Variants in GRM7 observed in about 807,000 individuals in gnomAD.
The protein encoded by GRM7 is metabotropic glutamate receptor 7.
A neutral mutation model predicts 84.5 loss-of-function variants in GRM7; 35 were observed. The observed-to-expected ratio is 0.41, with a 90% CI of 0.32 to 0.55. The LOEUF (loss-of-function observed/expected upper bound fraction) is 0.55. Among genes scored for constraint, GRM7 ranks in the 20% least tolerant of loss-of-function variants. The pLI, the probability that GRM7 is intolerant of heterozygous loss-of-function variation, is 0.19. For synonymous variants in GRM7, 487 were observed against 455.1 expected (o/e 1.07, Z -0.89); for missense variants, 1,003 against 1,194.6 (o/e 0.84, Z 2.36).
At chr3:7,677,896 T>C (rs933978569) in intron 8 of GRM7, among the ~76,000 whole-genome samples, 1 of 152,196 alleles carries the variant, frequency 6.6e-6, no homozygotes, top group South Asian at 2.1e-4. Context: ...ATGTGGTACA[T>C]ATATACCATG....
rs756794931 is a variant in GRM7, at chr3:7,378,755, C to T, written c.1034-36268C>T. Among the ~76,000 whole-genome samples the T allele has an allele frequency of 1.8e-4, 27 of 152,012 alleles. No homozygotes were observed. In the South Asian group the frequency reaches 2.9e-3, roughly 16 times the overall value. ...AACTTCTGATTTTTATTATGAAGACCCCCATGTCTACAATACCTGCTTTCA... is the reference window on the plus strand; with the variant it reads ...AACTTCTGATTTTTATTATGAAGACTCCCATGTCTACAATACCTGCTTTCA... On this transcript the variant is annotated intron_variant, in intron 4 of 9. Coordinates refer to ENST00000357716, the MANE Select transcript of GRM7 (RefSeq NM_000844.4).
chr3:7,396,983 T>C (rs995754757), intron 4 of GRM7, among the ~76,000 whole-genome samples: 1 of 152,108 alleles, frequency 6.6e-6, no homozygotes, highest in African/African-American at 2.4e-5. Context: ...TGAATCTTCC[T>C]TGAACATTCA....
intron 2 of GRM7, among the ~76,000 whole-genome samples, chr3:7,269,552 A>G (rs1698777396): frequency 6.6e-6 from 1 of 152,018 alleles, no homozygotes; most frequent in African/African-American, 2.4e-5. Context: ...GAGAACTATT[A>G]CTCTGAAGGG....
intron 4 of GRM7, among the ~76,000 whole-genome samples, chr3:7,326,190 AC>A (rs992007458): frequency 1.3e-4 from 20 of 151,794 alleles, no homozygotes; most frequent in African/African-American, 4.6e-4. Flanking sequence ...AGAAAAAAAA[AC>A]ACATTATTTT....
At chr3:7,702,893 G>T (rs1334631653) in intron 9 of GRM7, among the ~76,000 whole-genome samples, 1 of 152,004 alleles carries the variant, frequency 6.6e-6, no homozygotes, top group African/African-American at 2.4e-5. Flanking sequence ...AGAGGAGATA[G>T]TCATAACAAA....
At chr3:7,376,627 C>T (rs1435867978) in intron 4 of GRM7, among the ~76,000 whole-genome samples, 2 of 152,198 alleles carry the variant, frequency 1.3e-5, no homozygotes, top group Admixed American at 6.5e-5. Flanking sequence ...GCCCTGAATG[C>T]ATGTGTATGT....
At chr3:7,022,832 T>G (rs1376969824) in intron 1 of GRM7, among the ~76,000 whole-genome samples, 2 of 151,986 alleles carry the variant, frequency 1.3e-5, no homozygotes, top group Admixed American at 1.3e-4. Context: ...TGCTGAAAAA[T>G]CAACTGACAA....
chr3:7,727,447 G>A (rs566148032), intron 9 of GRM7, among the ~76,000 whole-genome samples: 150 of 152,236 alleles, frequency 9.9e-4, no homozygotes, highest in African/African-American at 3.5e-3. Flanking sequence ...ATTCACTGGT[G>A]TTTTAATTTT....
rs1319943142 is a variant in GRM7, at chr3:6,863,870, G to A, written c.519+1963G>A. Among the ~76,000 whole-genome samples the A allele has an allele frequency of 1.3e-5, 2 of 152,154 alleles. No homozygotes were observed. Among genetic ancestry groups the A allele is most frequent in the African/African-American group, 4.8e-5 (2 of 41,424 alleles). On this transcript the variant is annotated intron_variant, in intron 1 of 9. Transcript: ENST00000357716. This position sits in a 1 kb window ranked among gnomAD's most constrained non-coding sequence, Gnocchi z 4.8. The stretch of plus-strand genomic sequence containing the variant: ...CAGTACTGCGGATCAGCCTGTCTCT[G>A]TCTGAAAAAAGAGTGAAATGTTAAA...
intron 9 of GRM7, among the ~76,000 whole-genome samples, chr3:7,704,876 A>C (rs1701337326): frequency 6.6e-6 from 1 of 152,136 alleles, no homozygotes; most frequent in South Asian, 2.1e-4. Context: ...GTGGATAGAG[A>C]ACCTCCTTGG....
intron 2 of GRM7, among the ~76,000 whole-genome samples, chr3:7,179,907 C>G (rs1695280963): frequency 6.6e-6 from 1 of 152,124 alleles, no homozygotes; most frequent in Non-Finnish European, 1.5e-5. Flanking sequence ...TGAGAAATCT[C>G]CCAGACTTCT....
chr3:7,006,536 T>A (rs1695187199), intron 1 of GRM7, among the ~76,000 whole-genome samples: 1 of 152,190 alleles, frequency 6.6e-6, no homozygotes, highest in Non-Finnish European at 1.5e-5. Context: ...AAAGAAAAAG[T>A]TATTGTTTTG....
chr3:7,333,707 T>TAA lies in GRM7; in HGVS notation c.1033+27063_1033+27064dup, dbSNP rs35684466. ...AAGTTGAAAACCAACATAAAGAAAT[T>TAA]AAAAAAAAATACAGGATGTGGATGA... On this transcript the variant is annotated intron_variant, in intron 4 of 9. Transcript: ENST00000357716. Among the ~76,000 whole-genome samples, 258 of 150,102 alleles carry TAA rather than the reference T, an allele frequency of 1.7e-3. 1 individual carries two copies. Among genetic ancestry groups the TAA allele is most frequent in the South Asian group, 0.011 (50 of 4,758 alleles).
chr3:7,038,077 A>C (rs1175344358), intron 1 of GRM7, among the ~76,000 whole-genome samples: 2 of 152,190 alleles, frequency 1.3e-5, no homozygotes, highest in East Asian at 3.9e-4. Context: ...TTTTCTTCTC[A>C]TGTTTAGAGA....
intron 2 of GRM7, among the ~76,000 whole-genome samples, chr3:7,238,311 C>T (rs1310930343): frequency 6.6e-6 from 1 of 152,136 alleles, no homozygotes; most frequent in Non-Finnish European, 1.5e-5. Context: ...TTTGCTTCTG[C>T]TCTGCATGCC....
chr3:7,543,665 A>C (rs1693004499), intron 7 of GRM7, among the ~76,000 whole-genome samples: 1 of 152,244 alleles, frequency 6.6e-6, no homozygotes, highest in African/African-American at 2.4e-5. Flanking sequence ...TATGGAGTAA[A>C]ACTTAGCAAG....
chr3:7,085,011 G>C (rs758888681), intron 1 of GRM7, among the ~76,000 whole-genome samples: 1 of 152,140 alleles, frequency 6.6e-6, no homozygotes, highest in Non-Finnish European at 1.5e-5. Flanking sequence ...AGACAAAGGT[G>C]TCATGAGCAT....
At chr3:7,669,432 G>A (rs1370707014) in intron 8 of GRM7, among the ~76,000 whole-genome samples, 1 of 152,148 alleles carries the variant, frequency 6.6e-6, no homozygotes, top group Non-Finnish European at 1.5e-5. Flanking sequence ...ATTTAGAGAA[G>A]GTAAGGGAAG....
chr3:7,502,166 G>A (rs757342579), intron 7 of GRM7, among the ~76,000 whole-genome samples: 1 of 152,030 alleles, frequency 6.6e-6, no homozygotes, highest in Non-Finnish European at 1.5e-5. Flanking sequence ...TTGCAGAGCA[G>A]AGGGTGAAAT....
Sources: gnomAD v4.1 joint callset for allele counts (sites outside exome capture counted in the v4.1 genomes callset) on GRCh38, gnomAD v4.1.1 for gene constraint, Gnocchi (gnomAD v3.1) non-coding constraint, MANE v1.5 for transcripts, NCBI Gene and HGNC (gene_info 2026-07-23, HGNC 2026-07-21) for gene names.